The following ZNF532 variants were observed in gnomAD, a reference collection of about 807,000 sequenced individuals.
ZNF532 encodes the protein zinc finger protein 532.
ZNF532 carries 22 observed loss-of-function variants against 89.3 expected under a neutral mutation model. That is an observed-to-expected ratio of 0.25 (90% CI 0.18 to 0.35). The LOEUF is 0.35. ZNF532 is among the 10% of genes least tolerant of loss of function. ZNF532 has a pLI of 1.00. For missense variants in ZNF532, 1,132 were observed against 1,643.4 expected (o/e 0.69, Z 5.38); for synonymous variants, 606 against 649.6 (o/e 0.93, Z 1.02).
intron 6 of ZNF532, among the ~76,000 whole-genome samples, chr18:58,952,035 C>T (rs1471504584): frequency 6.6e-6 from 1 of 152,146 alleles, no homozygotes; most frequent in Non-Finnish European, 1.5e-5. Context: ...ATGATAGAAC[C>T]CCTGTTTCCC....
intron 3 of ZNF532, among the ~76,000 whole-genome samples, chr18:58,928,926 C>T (rs1203031780): frequency 6.6e-6 from 1 of 152,194 alleles, no homozygotes; most frequent in Admixed American, 6.5e-5. Flanking sequence ...TGCTTCACCT[C>T]CTCTTAAAAC....
chr18:58,921,630 C>T (rs76058679), intron 3 of ZNF532, among the ~76,000 whole-genome samples: 3,061 of 152,350 alleles, frequency 0.02, 74 homozygotes, highest in African/African-American at 0.054. Flanking sequence ...TGGTGAATTA[C>T]ATTTCACAGT....
At chr18:58,937,191 A>C (rs1385289132) in intron 4 of ZNF532, among the ~76,000 whole-genome samples, 1 of 152,184 alleles carries the variant, frequency 6.6e-6, no homozygotes, top group Non-Finnish European at 1.5e-5. Flanking sequence ...CTTTATTGCT[A>C]TCCAGAATAG....
intron 2 of ZNF532, among the ~76,000 whole-genome samples, chr18:58,909,662 G>T (rs2060162258): frequency 1.3e-5 from 2 of 152,172 alleles, no homozygotes; most frequent in African/African-American, 4.8e-5. Context: ...CAGGCAACAT[G>T]AAAGATGATT....
rs374590984 is a variant in ZNF532, at chr18:58,918,824, C to G, written c.537C>G (p.Leu179=). Residue 179 remains leucine, a synonymous_variant, in exon 3 of 10, where the codon CTC becomes CTG. Coordinates refer to ENST00000591808, the MANE Select transcript of ZNF532 (RefSeq NM_001375912.1). ...AGGACTACGATAAGCTGAAGGCACTCGGAGGGGAAAACTCCAGCAAAACTG... is the reference window on the plus strand; with the variant it reads ...AGGACTACGATAAGCTGAAGGCACTGGGAGGGGAAAACTCCAGCAAAACTG... The part of the protein sequence containing the change: ...PQQDYDKLKA[L]GGENSSKTGL... 4 of 1,613,936 alleles carry G rather than the reference C, an allele frequency of 2.5e-6. No homozygotes were observed. The African/African-American group carries it at 5.3e-5, about 22-fold the overall frequency.
chr18:58,894,042 C>A (rs985255309), intron 2 of ZNF532, among the ~76,000 whole-genome samples: 3 of 152,206 alleles, frequency 2.0e-5, no homozygotes, highest in Non-Finnish European at 4.4e-5. Flanking sequence ...TGTCTGGCAT[C>A]ATTTCCGTGT....
At chr18:58,933,638 G>T (rs2062137558) in intron 3 of ZNF532, among the ~76,000 whole-genome samples, 1 of 152,080 alleles carries the variant, frequency 6.6e-6, no homozygotes, top group Non-Finnish European at 1.5e-5. Context: ...TTTACTTTAA[G>T]TTTTTTTGGT....
intron 7 of ZNF532, among the ~76,000 whole-genome samples, chr18:58,971,615 G>C (rs1264110193): frequency 6.6e-6 from 1 of 152,192 alleles, no homozygotes; most frequent in Non-Finnish European, 1.5e-5. Context: ...TTGGTCGACT[G>C]TTTTACCTAT....
intron 7 of ZNF532, among the ~76,000 whole-genome samples, chr18:58,978,524 G>GT (rs917660865): frequency 6.6e-6 from 1 of 152,098 alleles, no homozygotes. Flanking sequence ...AAAAACCTGT[G>GT]TTTTTGAGAG....
At chr18:58,981,248 T>A (rs1031597421) in intron 8 of ZNF532, 1 of 558,366 alleles carries the variant, frequency 1.8e-6, no homozygotes, top group African/African-American at 1.9e-5. Flanking sequence ...AAACTTCTTT[T>A]GAAATGCAAT....
At chr18:58,979,812 C>T (rs1233644987) in intron 8 of ZNF532, 2 of 152,366 alleles carry the variant, frequency 1.3e-5, no homozygotes, top group African/African-American at 4.8e-5. Flanking sequence ...AGATTCAGTC[C>T]TCGGCTGGGC....
chr18:58,979,328 C>T, intron 8 of ZNF532, 161 bp downstream of exon 8: 1 of 453,690 alleles, frequency 2.2e-6, no homozygotes, highest in South Asian at 6.8e-5. Flanking sequence ...ATTGGGTTGT[C>T]ACACTTAAAT....
chr18:58,926,565 C>G (rs1416558829), intron 3 of ZNF532, among the ~76,000 whole-genome samples: 1 of 152,170 alleles, frequency 6.6e-6, no homozygotes, highest in Admixed American at 6.5e-5. Context: ...TCAGGCTGGT[C>G]TCGAACTCCT....
chr18:58,885,803 G>T (rs144794401), intron 2 of ZNF532, among the ~76,000 whole-genome samples: 2 of 150,240 alleles, frequency 1.3e-5, no homozygotes, highest in Non-Finnish European at 3.0e-5. Flanking sequence ...GCAGTGAGCC[G>T]AAATCGCATC....
At chr18:58,977,742 CGGGAGGCTGAGGCACGA>C (rs1473984677) in intron 7 of ZNF532, 1 of 152,032 alleles carries the variant, frequency 6.6e-6, no homozygotes, top group Non-Finnish European at 1.5e-5. Flanking sequence ...CCCAGCTACT[CGGGAGGCTGAGGCACGA>C]GAGTTCTTTG....
At chr18:58,959,697 C>T (rs1468798470) in intron 7 of ZNF532, among the ~76,000 whole-genome samples, 2 of 152,118 alleles carry the variant, frequency 1.3e-5, no homozygotes, top group South Asian at 4.1e-4. Flanking sequence ...CATCTTCCAG[C>T]GTCAGCTTCA....
chr18:58,890,275 T>C (rs1286201824), intron 2 of ZNF532, among the ~76,000 whole-genome samples: 1 of 150,630 alleles, frequency 6.6e-6, no homozygotes, highest in East Asian at 1.9e-4. Flanking sequence ...CACACATACA[T>C]ATATATATAT....
In ZNF532 at chr18:58,985,497, C is replaced by T. The variant is rs922058069; in HGVS notation, c.*1031C>T. The T allele has an allele frequency of 3.3e-5, 5 of 152,674 alleles. No homozygotes were observed. Among genetic ancestry groups the T allele is most frequent in the South Asian group, 2.1e-4 (1 of 4,816 alleles). 9.5% of individuals were successfully genotyped at this position (152,674 alleles called of 1,614,324 possible). A position where few individuals can be genotyped will look rare whatever the true frequency, so the allele number is the denominator to read the frequency against. The stretch of plus-strand genomic sequence containing the variant: ...TGCCAAACGTTATGGTACTTAGAGT[C>T]GGGATGCACAACTTCAACCACCGAC... On this transcript the variant is annotated 3_prime_UTR_variant, in exon 10 of 10. Coordinates refer to ENST00000591808, the MANE Select transcript of ZNF532 (RefSeq NM_001375912.1).
chr18:58,935,844 A>ATT (rs148057701), intron 4 of ZNF532, among the ~76,000 whole-genome samples: 1 of 150,264 alleles, frequency 6.7e-6, no homozygotes, highest in African/African-American at 2.4e-5. Context: ...ATATGCAGTG[A>ATT]TTTTTTTTTT....
Sources: allele counts gnomAD v4.1 joint callset (sites outside exome capture counted in the v4.1 genomes callset), GRCh38; gene constraint gnomAD v4.1.1; transcripts MANE v1.5; gene names NCBI Gene and HGNC (gene_info 2026-07-23, HGNC 2026-07-21).